Variants in RBMS1 observed in about 807,000 individuals in gnomAD.
RBMS1 encodes the protein RNA binding motif single stranded interacting protein 1.
Under a neutral mutation model 62.3 loss-of-function variants are expected in RBMS1, and 17 were observed. The ratio of observed to expected loss-of-function variants is 0.27; its 90% CI spans 0.19 to 0.41. The LOEUF (loss-of-function observed/expected upper bound fraction) is 0.41, where lower values mean the gene tolerates loss of function less well. RBMS1 is among the 10% of genes least tolerant of loss of function. The pLI is 1.00. For missense variants in RBMS1, 334 were observed against 504.5 expected (o/e 0.66, Z 3.24); for synonymous variants, 172 against 170.0 (o/e 1.01, Z -0.09).
chr2:160,313,738 A>T (rs1033655510), intron 3 of RBMS1, among the ~76,000 whole-genome samples: 1 of 152,216 alleles, frequency 6.6e-6, no homozygotes, highest in African/African-American at 2.4e-5. Flanking sequence ...CAACTATTAG[A>T]CACCCCCAAT....
intron 9 of RBMS1, chr2:160,282,522 C>A: frequency 3.2e-6 from 1 of 311,740 alleles, no homozygotes; most frequent in Non-Finnish European, 6.4e-6. Flanking sequence ...CCCTACAGAC[C>A]CTAATTTGGG....
At chr2:160,311,228 C>CTATATATATATATA (rs1252861710) in intron 4 of RBMS1, among the ~76,000 whole-genome samples, 3 of 95,920 alleles carry the variant, frequency 3.1e-5, no homozygotes, top group Non-Finnish European at 4.2e-5. Flanking sequence ...ATCTATCTAT[C>CTATATATATATATA]TATCTATATA....
chr2:160,297,035 C>T (rs945723606), intron 6 of RBMS1, among the ~76,000 whole-genome samples: 1 of 152,174 alleles, frequency 6.6e-6, no homozygotes, highest in Non-Finnish European at 1.5e-5. Context: ...CTAAGTGAAA[C>T]CTCAACTTTA....
intron 10 of RBMS1, chr2:160,279,254 A>C (rs1687986315): frequency 6.6e-6 from 1 of 152,132 alleles, no homozygotes; most frequent in Non-Finnish European, 1.5e-5. Context: ...CCTGGGAGGG[A>C]AGGCAATTCA....
rs117054498 is a variant in RBMS1, at chr2:160,319,120, G to C, written c.252-893C>G. On this transcript the variant is annotated intron_variant, in intron 2 of 13. Transcript: ENST00000348849. ...AACCGAACCCCACACTCTCTCCATAGTGGCCATACTATAAGGAAAAGCACT... is the reference window on the plus strand; with the variant it reads ...AACCGAACCCCACACTCTCTCCATACTGGCCATACTATAAGGAAAAGCACT... 1.8e-3 allele frequency among the ~76,000 whole-genome samples: 273 copies of C among 152,258 alleles called. 7 individuals carry two copies. In the East Asian group the frequency reaches 0.05, roughly 28 times the overall value.
rs1685974743 is a variant in RBMS1, at chr2:160,493,739, G to A, written c.-376C>T. 6.3e-6 allele frequency: 2 copies of A among 319,326 alleles called. No homozygotes were observed. The highest frequency in any genetic ancestry group is 3.3e-5 in the South Asian group (1 of 30,124). 19.8% of individuals were successfully genotyped at this position (319,326 alleles called of 1,614,324 possible). On this transcript the variant is annotated 5_prime_UTR_variant, in exon 1 of 14. Transcript: ENST00000348849. ...CCGCTCGGGCGAGCCGGCTGCGCGG[G>A]GCTGAGAGGTGATCAATACAAGTGG... is the stretch of plus-strand genomic sequence containing the variant.
At chr2:160,461,627 C>T (rs544250679) in intron 1 of RBMS1, among the ~76,000 whole-genome samples, 9 of 152,242 alleles carry the variant, frequency 5.9e-5, no homozygotes, top group Non-Finnish European at 1.3e-4. Context: ...CCTGCAAAGG[C>T]TGCAGAAGAT....
chr2:160,334,243 G>C (rs993318916), intron 2 of RBMS1, among the ~76,000 whole-genome samples: 1 of 152,176 alleles, frequency 6.6e-6, no homozygotes, highest in African/African-American at 2.4e-5. Flanking sequence ...AAATATTTTT[G>C]AGTAACCATA....
At chr2:160,369,751 C>A (rs955186990) in intron 1 of RBMS1, among the ~76,000 whole-genome samples, 1 of 152,192 alleles carries the variant, frequency 6.6e-6, no homozygotes, top group African/African-American at 2.4e-5. Context: ...AATGAACCAT[C>A]AGGCATTTTA....
At chr2:160,484,940 A>T (rs912537567) in intron 1 of RBMS1, among the ~76,000 whole-genome samples, 7 of 152,074 alleles carry the variant, frequency 4.6e-5, no homozygotes, top group Non-Finnish European at 1.0e-4. Flanking sequence ...GAAGAGATAG[A>T]CAGAATTTTT....
chr2:160,334,939 GAA>G (rs370858164), intron 2 of RBMS1, among the ~76,000 whole-genome samples: 1 of 139,282 alleles, frequency 7.2e-6, no homozygotes, highest in Admixed American at 7.2e-5. Flanking sequence ...CCTGAAATGT[GAA>G]AAAAAAAAAG....
intron 11 of RBMS1, 180 bp downstream of exon 11, chr2:160,278,368 G>T: frequency 1.6e-6 from 1 of 628,846 alleles, no homozygotes; most frequent in South Asian, 1.8e-5. Flanking sequence ...TAGACTTTCA[G>T]TTCATCAATT....
chr2:160,486,047 CTAAA>C (rs796429905), intron 1 of RBMS1, among the ~76,000 whole-genome samples: 1 of 152,052 alleles, frequency 6.6e-6, no homozygotes, highest in South Asian at 2.1e-4. Flanking sequence ...TTCCTAATGA[CTAAA>C]TATTTTATCT....
chr2:160,454,064 T>C (rs998052245), intron 1 of RBMS1, among the ~76,000 whole-genome samples: 1 of 152,242 alleles, frequency 6.6e-6, no homozygotes, highest in African/African-American at 2.4e-5. Context: ...CTCCTGCTTA[T>C]ACTGAGTTCT....
rs5835799 is a variant in RBMS1 at position 160,318,229 on chromosome 2, T to TAAAAAAAAAAAAAAAAAAAAAAAATAAAA, written c.252-3_252-2insTTTTATTTTTTTTTTTTTTTTTTTTTTTT. The TAAAAAAAAAAAAAAAAAAAAAAAATAAAA allele has an allele frequency of 1.0e-6, 1 of 993,498 alleles. No individual in the cohort carries two copies. The highest frequency in any genetic ancestry group is 1.3e-6 in the Non-Finnish European group (1 of 793,100). The allele number at this position is 993,498 out of a possible 1,614,324, so 61.5% of individuals were successfully genotyped here. A position where few individuals can be genotyped will look rare whatever the true frequency, so the allele number is the denominator to read the frequency against. ...TTTGTGGAGACTATTTTCCCATATC[T>TAAAAAAAAAAAAAAAAAAAAAAAATAAAA]AAAAAAAAAAAAAAAAAAAAAAAGG... On this transcript the variant is annotated splice_polypyrimidine_tract_variant and splice_region_variant and intron_variant, in intron 2 of 13. Coordinates refer to ENST00000348849, the MANE Select transcript of RBMS1 (RefSeq NM_016836.4).
intron 1 of RBMS1, among the ~76,000 whole-genome samples, chr2:160,461,938 A>T (rs1684481613): frequency 6.6e-6 from 1 of 152,224 alleles, no homozygotes; most frequent in Admixed American, 6.5e-5. Context: ...GTCGAGTAGA[A>T]TCATTATTGC....
intron 1 of RBMS1, among the ~76,000 whole-genome samples, chr2:160,451,957 GT>G (rs150917300): frequency 1.3e-5 from 2 of 151,776 alleles, no homozygotes; most frequent in African/African-American, 4.8e-5. Flanking sequence ...TTCCATCTAA[GT>G]TTTTTTTCAA....
chr2:160,460,736 A>G (rs1219907878), intron 1 of RBMS1, among the ~76,000 whole-genome samples: 2 of 152,176 alleles, frequency 1.3e-5, no homozygotes, highest in Non-Finnish European at 2.9e-5. Flanking sequence ...TTTCACTGAT[A>G]TATCTTATTC....
At position 160,426,129 on chromosome 2, in the gene RBMS1, C is replaced by T. The variant is rs572737052; in HGVS notation, c.76-58738G>A. On this transcript the variant is annotated intron_variant, in intron 1 of 13. Coordinates refer to ENST00000348849, the MANE Select transcript of RBMS1 (RefSeq NM_016836.4). ...AAAATCTGCAGTCCTTGCACTTCCACGATTGGCAGGCACCATGTTCATTTT... is the reference window on the plus strand; with the variant it reads ...AAAATCTGCAGTCCTTGCACTTCCATGATTGGCAGGCACCATGTTCATTTT... 4.6e-5 allele frequency among the ~76,000 whole-genome samples: 7 copies of T among 151,812 alleles called. No individual in the cohort carries two copies. The East Asian group carries it at 9.7e-4, about 21-fold the overall frequency.
Sources: allele counts gnomAD v4.1 joint callset (sites outside exome capture counted in the v4.1 genomes callset), GRCh38; gene constraint gnomAD v4.1.1; transcripts MANE v1.5; gene names NCBI Gene and HGNC (gene_info 2026-07-23, HGNC 2026-07-21).